Variants in NRXN1 observed in about 807,000 individuals in gnomAD.
NRXN1 encodes neurexin 1.
A neutral mutation model predicts 150.9 loss-of-function variants in NRXN1; 39 were observed. That is an observed-to-expected ratio of 0.26 (90% CI 0.20 to 0.34). The LOEUF (loss-of-function observed/expected upper bound fraction) is 0.34, where lower values mean the gene tolerates loss of function less well. Among genes scored for constraint, NRXN1 ranks in the 10% least tolerant of loss-of-function variants. The probability of loss-of-function intolerance (pLI) is 1.00; values close to 1 mark genes in which losing one functional copy is unlikely to be tolerated. For synonymous variants in NRXN1, 924 were observed against 757.0 expected, an observed-to-expected ratio of 1.22 and a Z score of -3.62; for missense variants, 1,815 against 1,949.9, an observed-to-expected ratio of 0.93 and a Z score of 1.30.
At chr2:50,687,394 T>A (rs983862326) in intron 5 of NRXN1, among the ~76,000 whole-genome samples, 12 of 152,062 alleles carry the variant, frequency 7.9e-5, no homozygotes, top group Non-Finnish European at 1.8e-4. Flanking sequence ...GATTCAGGGG[T>A]CATCTCTGTG....
chr2:50,088,659 C>A (rs1038414989), intron 19 of NRXN1, among the ~76,000 whole-genome samples: 1 of 152,138 alleles, frequency 6.6e-6, no homozygotes, highest in Admixed American at 6.5e-5. Context: ...TTTTAAACAT[C>A]TTTTACATTG....
At chr2:50,241,029 A>G (rs1170388963) in intron 17 of NRXN1, among the ~76,000 whole-genome samples, 1 of 151,648 alleles carries the variant, frequency 6.6e-6, no homozygotes, top group African/African-American at 2.4e-5. Context: ...CGTAATTTTT[A>G]TTAATATTTT....
intron 5 of NRXN1, among the ~76,000 whole-genome samples, chr2:50,742,689 A>G (rs1699573611): frequency 6.6e-6 from 1 of 152,100 alleles, no homozygotes; most frequent in Non-Finnish European, 1.5e-5. Context: ...TCAACGTTCT[A>G]ATTCATGAAA....
chr2:50,595,668 G>T (rs1675079694), intron 8 of NRXN1, among the ~76,000 whole-genome samples: 1 of 152,172 alleles, frequency 6.6e-6, no homozygotes, highest in Admixed American at 6.5e-5. Context: ...AGGAAGATTG[G>T]AAGGGCTGCC....
chr2:50,668,604 T>C (rs1174216868), intron 5 of NRXN1, among the ~76,000 whole-genome samples: 1 of 152,024 alleles, frequency 6.6e-6, no homozygotes, highest in Non-Finnish European at 1.5e-5. Flanking sequence ...ATTTCTTCTC[T>C]TGGAGTAGCT....
Position 50,157,951 on chromosome 2 carries a change from T to C in NRXN1, c.3547-66457A>G, listed in dbSNP as rs534149764. Among the ~76,000 whole-genome samples, 4 of 148,992 alleles carry C rather than the reference T, an allele frequency of 2.7e-5. No homozygotes were observed. In the East Asian group the frequency reaches 6.0e-4, roughly 22 times the overall value. Reference sequence around the variant, plus strand: ...TTAGGAGTAATCCCCCGAGAGTGGATAGATGAAACCTTGGGAGTAGCTAGT... The same window carrying C: ...TTAGGAGTAATCCCCCGAGAGTGGACAGATGAAACCTTGGGAGTAGCTAGT... On this transcript the variant is annotated intron_variant, in intron 18 of 22. Transcript: ENST00000401669.
rs374208573 is a variant in NRXN1, at chr2:50,811,687, T to C, written c.832+110182A>G. Among the ~76,000 whole-genome samples, 4 of 152,204 alleles carry C rather than the reference T, an allele frequency of 2.6e-5. No individual in the cohort carries two copies. In the South Asian group the frequency reaches 8.3e-4, roughly 31 times the overall value. ...GACATACAAAGATTTATTATCTGGC[T>C]TCATAAATTTAAAGCAACTGTAGTG... On this transcript the variant is annotated intron_variant, in intron 5 of 22. Coordinates refer to ENST00000401669, the MANE Select transcript of NRXN1 (RefSeq NM_001330078.2).
rs565370847 is a variant in NRXN1, at chr2:50,644,125, A to T, written c.833-20510T>A. ...AACCAGTATTTTTTAACGTTCAGGT[A>T]AGATTTTTATATTCCTAGGATCTTC... On this transcript the variant is annotated intron_variant, in intron 5 of 22. Transcript: ENST00000401669. 3.3e-5 allele frequency among the ~76,000 whole-genome samples: 5 copies of T among 151,720 alleles called. No homozygotes were observed. The East Asian group carries it at 9.7e-4, about 30-fold the overall frequency.
intron 21 of NRXN1, among the ~76,000 whole-genome samples, chr2:50,017,797 T>C (rs1686907573): frequency 6.6e-6 from 1 of 151,822 alleles, no homozygotes; most frequent in African/African-American, 2.4e-5. Flanking sequence ...AAGTAACAAA[T>C]GATAGGAACT....
At chr2:50,560,414 T>G (rs1668880902) in intron 8 of NRXN1, among the ~76,000 whole-genome samples, 1 of 146,956 alleles carries the variant, frequency 6.8e-6, no homozygotes, top group Non-Finnish European at 1.5e-5. Flanking sequence ...TACAAAGTAG[T>G]CTGATGTATG....
At chr2:50,809,416 T>C (rs1667927035) in intron 5 of NRXN1, among the ~76,000 whole-genome samples, 1 of 152,122 alleles carries the variant, frequency 6.6e-6, no homozygotes, top group African/African-American at 2.4e-5. Context: ...AAGAGCCAGG[T>C]AGGTGCTTTC....
intron 8 of NRXN1, among the ~76,000 whole-genome samples, chr2:50,589,617 G>A (rs1192114675): frequency 5.4e-5 from 2 of 36,830 alleles, no homozygotes; most frequent in African/African-American, 4.5e-5. Flanking sequence ...GACTCCCAAA[G>A]AGTTGGGATT....
intron 17 of NRXN1, among the ~76,000 whole-genome samples, chr2:50,338,005 C>T (rs2077301957): frequency 6.6e-6 from 1 of 152,162 alleles, no homozygotes; most frequent in Non-Finnish European, 1.5e-5. Context: ...AGTTATGGCA[C>T]AAAACGTTAT....
intron 21 of NRXN1, among the ~76,000 whole-genome samples, chr2:49,982,538 G>A (rs577638982): frequency 1.9e-4 from 29 of 151,804 alleles, no homozygotes; most frequent in African/African-American, 6.5e-4. Flanking sequence ...TGATGATGCT[G>A]TTGTTTTGAT....
chr2:50,828,012 CACAG>C (rs1181365180), intron 5 of NRXN1, among the ~76,000 whole-genome samples: 2 of 149,144 alleles, frequency 1.3e-5, no homozygotes, highest in Non-Finnish European at 3.0e-5. Flanking sequence ...CTTCTTTCCA[CACAG>C]ACAGGGCAAC....
At chr2:50,281,281 C>A (rs2071421818) in intron 17 of NRXN1, among the ~76,000 whole-genome samples, 3 of 151,626 alleles carry the variant, frequency 2.0e-5, no homozygotes, top group Non-Finnish European at 4.4e-5. Flanking sequence ...CGCGCCGCTG[C>A]ACTCCAGCCT....
chr2:51,022,957 C>G (rs537330224), intron 2 of NRXN1, among the ~76,000 whole-genome samples: 1 of 152,208 alleles, frequency 6.6e-6, no homozygotes, highest in South Asian at 2.1e-4. Flanking sequence ...CAGGAAACCA[C>G]AGTACAATCC....
chr2:50,840,631 A>T (rs371219788), intron 5 of NRXN1, among the ~76,000 whole-genome samples: 45 of 152,234 alleles, frequency 3.0e-4, no homozygotes, highest in African/African-American at 1.0e-3. Flanking sequence ...ACTTCGGATA[A>T]CACCTGAGGG....
chr2:50,796,463 T>C, intron 5 of NRXN1, among the ~76,000 whole-genome samples: 1 of 152,110 alleles, frequency 6.6e-6, no homozygotes, highest in East Asian at 1.9e-4. Flanking sequence ...TCTCTCCTTC[T>C]CTCTACTTCA....
Sources: allele counts gnomAD v4.1 joint callset (sites outside exome capture counted in the v4.1 genomes callset), GRCh38; gene constraint gnomAD v4.1.1; transcripts MANE v1.5; gene names NCBI Gene and HGNC (gene_info 2026-07-23, HGNC 2026-07-21).